SOX5: variants seen among roughly 807,000 people sequenced by gnomAD.
The protein encoded by SOX5 is SRY-box transcription factor 5, also known as transcription factor SOX-5.
Under a neutral mutation model 92.0 loss-of-function variants are expected in SOX5, and 9 were observed. That is an observed-to-expected ratio of 0.10 (90% CI 0.06 to 0.17). The LOEUF (loss-of-function observed/expected upper bound fraction) is 0.17. Among genes scored for constraint, SOX5 ranks in the 10% least tolerant of loss-of-function variants. SOX5 has a pLI of 1.00. For missense variants in SOX5, 642 were observed against 944.5 expected (o/e 0.68, Z 4.20); for synonymous variants, 344 against 336.3 (o/e 1.02, Z -0.25).
chr12:23,554,565 T>TAAAC (rs1300934548), intron 11 of SOX5, among the ~76,000 whole-genome samples: 2 of 152,160 alleles, frequency 1.3e-5, no homozygotes, highest in Non-Finnish European at 2.9e-5. Flanking sequence ...AAAATTGTTT[T>TAAAC]AAACAAAGAA....
exon 1 of SOX5, chr12:24,562,329 G>C (rs1252838389): frequency 2.6e-5 from 4 of 152,298 alleles, no homozygotes; most frequent in Non-Finnish European, 5.9e-5. Context: ...AGCGATTCAC[G>C]CACCTTACCC....
In SOX5 at chr12:23,575,695, C is replaced by T. The variant is rs780771208; in HGVS notation, c.1308G>A (p.Ala436=). ...AGPLKASVPA[A]LASPSARVST... ...TAACTCTGGCTGAAGGACTAGCTAA[C>T]GCTGCTGGGACAGAGGCTTTGAGGG... Residue 436 remains alanine, a synonymous_variant, in exon 10 of 15, where the codon GCG becomes GCA. Coordinates refer to ENST00000451604, the MANE Select transcript of SOX5 (RefSeq NM_006940.6). The T allele has an allele frequency of 1.5e-5, 25 of 1,614,068 alleles. No homozygotes were observed. In the East Asian group the frequency reaches 2.2e-4, roughly 14 times the overall value.
chr12:24,442,533 T>C (rs1239326982), intron 1 of SOX5, among the ~76,000 whole-genome samples: 2 of 151,960 alleles, frequency 1.3e-5, no homozygotes, highest in African/African-American at 4.8e-5. Flanking sequence ...GCGGGTGCGG[T>C]TTGGGGTAGT....
At chr12:24,307,151 T>A (rs140410092) in intron 2 of SOX5, among the ~76,000 whole-genome samples, 1 of 152,200 alleles carries the variant, frequency 6.6e-6, no homozygotes, top group Non-Finnish European at 1.5e-5. Flanking sequence ...TTAACTAACA[T>A]ATTAAGTACA....
chr12:23,536,101 G>T (rs533830612), intron 14 of SOX5, among the ~76,000 whole-genome samples: 1 of 152,296 alleles, frequency 6.6e-6, no homozygotes, highest in East Asian at 1.9e-4. Context: ...TCTCAACAAA[G>T]TTGTTAGTTT....
rs754937895 is a variant in SOX5 at position 23,910,609 on chromosome 12, A to G, written c.39-14585T>C. 9.2e-5 allele frequency among the ~76,000 whole-genome samples: 14 copies of G among 152,282 alleles called. 1 individual carries two copies. The East Asian group carries it at 9.6e-4, about 10-fold the overall frequency. Reference sequence around the variant, plus strand: ...TCCCAGGGCAAGAGCCACCAGACCTATATGGAGAGAGCTGTATCATCTGTT... The same window carrying G: ...TCCCAGGGCAAGAGCCACCAGACCTGTATGGAGAGAGCTGTATCATCTGTT... On this transcript the variant is annotated intron_variant, in intron 1 of 14. Coordinates refer to ENST00000451604, the MANE Select transcript of SOX5 (RefSeq NM_006940.6).
At chr12:24,306,389 C>T (rs1948565841) in intron 2 of SOX5, among the ~76,000 whole-genome samples, 1 of 152,188 alleles carries the variant, frequency 6.6e-6, no homozygotes, top group Non-Finnish European at 1.5e-5. Context: ...TATGATTCTG[C>T]CACCGAAGTG....
chr12:24,015,748 A>T (rs2136601295), intron 4 of SOX5, among the ~76,000 whole-genome samples: 1 of 152,300 alleles, frequency 6.6e-6, no homozygotes, highest in East Asian at 1.9e-4. Context: ...GATTCCTGTC[A>T]GGATGCAACT....
At chr12:23,537,295 C>T (rs1003745602) in intron 13 of SOX5, among the ~76,000 whole-genome samples, 1 of 152,116 alleles carries the variant, frequency 6.6e-6, no homozygotes, top group African/African-American at 2.4e-5. Flanking sequence ...TCCTACCTTT[C>T]ACCTCAATCT....
intron 3 of SOX5, among the ~76,000 whole-genome samples, chr12:23,776,197 T>C (rs1428174114): frequency 6.6e-6 from 1 of 152,208 alleles, no homozygotes; most frequent in African/African-American, 2.4e-5. Flanking sequence ...GAAAACATTA[T>C]CTTTTTTTGA....
chr12:23,538,417 C>A (rs1013582608), intron 13 of SOX5, among the ~76,000 whole-genome samples: 2 of 152,152 alleles, frequency 1.3e-5, no homozygotes, highest in African/African-American at 4.8e-5. Context: ...TTTTTCTATT[C>A]CTTTCGTAAA....
intron 2 of SOX5, among the ~76,000 whole-genome samples, chr12:23,894,248 A>C (rs1425237371): frequency 6.7e-6 from 1 of 150,250 alleles, no homozygotes; most frequent in Non-Finnish European, 1.5e-5. Context: ...ATTATTTTTG[A>C]GATGGAGTCT....
intron 10 of SOX5, among the ~76,000 whole-genome samples, chr12:23,573,640 C>G (rs1296650895): frequency 6.6e-6 from 1 of 152,206 alleles, no homozygotes; most frequent in Admixed American, 6.6e-5. Flanking sequence ...ATACTCTCTA[C>G]TTCAGTTGGA....
chr12:23,843,506 C>A lies in SOX5; in HGVS notation c.481+2477G>T, dbSNP rs540436290. Among the ~76,000 whole-genome samples, 335 of 134,052 alleles carry A rather than the reference C, an allele frequency of 2.5e-3. 3 individuals carry two copies. The highest frequency in any genetic ancestry group is 9.0e-3 in the African/African-American group (328 of 36,414). The allele number at this position is 134,052 out of a possible 152,430, so 87.9% of individuals were successfully genotyped here. ...AAAAATAAAGTGAATGTATAAATTA[C>A]AATAGCAAATCATGGCCATACTTCA... On this transcript the variant is annotated intron_variant, in intron 3 of 14. Transcript: ENST00000451604.
At chr12:24,233,773 T>G (rs1473010767) in intron 3 of SOX5, among the ~76,000 whole-genome samples, 1 of 152,230 alleles carries the variant, frequency 6.6e-6, no homozygotes, top group Non-Finnish European at 1.5e-5. Flanking sequence ...AAGACCTATG[T>G]GCATATTTGG....
intron 4 of SOX5, among the ~76,000 whole-genome samples, chr12:24,118,018 CAAAAAAAA>C (rs964710930): frequency 7.2e-5 from 3 of 41,822 alleles, no homozygotes; most frequent in Admixed American, 4.7e-4. Flanking sequence ...GACTCTCATT[CAAAAAAAA>C]AAAAAAAAAA....
intron 3 of SOX5, among the ~76,000 whole-genome samples, chr12:23,776,229 T>C (rs1375201429): frequency 6.6e-6 from 1 of 152,232 alleles, no homozygotes; most frequent in Non-Finnish European, 1.5e-5. Context: ...CTCCTGGTCA[T>C]TGTAACTTAA....
intron 6 of SOX5, among the ~76,000 whole-genome samples, chr12:23,685,631 C>T (rs890292973): frequency 7.1e-6 from 1 of 141,666 alleles, no homozygotes; most frequent in Non-Finnish European, 1.5e-5. Flanking sequence ...CTTTTTGTCC[C>T]CCCCCCCAAA....
At position 24,440,393 on chromosome 12, in the gene SOX5, T is replaced by C. The variant is rs529450854; in HGVS notation, c.-250-71754A>G. ...GACTCCCTTCCACAGGATCCGCAGA[T>C]GACCTCCAGGAGATCCCATCTCTTC... On this transcript the variant is annotated intron_variant, in intron 1 of 4. Coordinates refer to the SOX5 transcript ENST00000446891. Among the ~76,000 whole-genome samples, 92 of 152,312 alleles carry C rather than the reference T, an allele frequency of 6.0e-4. 1 individual carries two copies. The highest frequency in any genetic ancestry group is 2.0e-3 in the African/African-American group (82 of 41,564).
Sources: allele counts gnomAD v4.1 joint callset (sites outside exome capture counted in the v4.1 genomes callset), GRCh38; gene constraint gnomAD v4.1.1; transcripts MANE v1.5; gene names NCBI Gene and HGNC (gene_info 2026-07-23, HGNC 2026-07-21).